ITPR1: variants seen among roughly 807,000 people sequenced by gnomAD.
ITPR1 encodes inositol 1,4,5-trisphosphate receptor type 1, also known as inositol 1,4,5-trisphosphate-gated calcium channel ITPR1.
In ITPR1, 96 loss-of-function variants were observed where a neutral mutation model predicts 318.4. The ratio of observed to expected loss-of-function variants is 0.30; its 90% CI spans 0.26 to 0.36. ITPR1 has a LOEUF of 0.36. Among genes scored for constraint, ITPR1 ranks in the 10% least tolerant of loss-of-function variants. The pLI is 1.00. For synonymous variants in ITPR1, 1,312 were observed against 1,289.9 expected, an observed-to-expected ratio of 1.02 and a Z score of -0.37; for missense variants, 2,440 against 3,460.2, an observed-to-expected ratio of 0.71 and a Z score of 7.40.
intron 4 of ITPR1, among the ~76,000 whole-genome samples, chr3:4,576,853 C>A (rs2088717446): frequency 6.6e-6 from 1 of 152,202 alleles, no homozygotes; most frequent in Non-Finnish European, 1.5e-5. Context: ...GGTAGTAATT[C>A]ATGAGGGATC....
At chr3:4,736,925 G>A (rs771854059) in intron 44 of ITPR1, among the ~76,000 whole-genome samples, 1 of 152,210 alleles carries the variant, frequency 6.6e-6, no homozygotes, top group Non-Finnish European at 1.5e-5. Flanking sequence ...GTTCGTCTGT[G>A]AGGATTTTCT....
Position 4,768,657 on chromosome 3 carries a change from G to A in ITPR1, c.5872G>A (p.Ala1958Thr), listed in dbSNP as rs748574432. 5.0e-6 allele frequency: 8 copies of A among 1,613,876 alleles called. No individual in the cohort carries two copies. In the East Asian group the frequency reaches 6.7e-5, roughly 13 times the overall value. ...GCCTGGAGAGGGCACCCAGGCCACTGCCGACAAGGCCAAGGACGACCTGGA... is the reference window on the plus strand; with the variant it reads ...GCCTGGAGAGGGCACCCAGGCCACTACCGACAAGGCCAAGGACGACCTGGA... ...YQPGEGTQAT[A>T]DKAKDDLEMS... Residue 1958 changes from alanine to threonine, a missense_variant, in exon 46 of 62, where the codon GCC becomes ACC. By Grantham distance (58) the Ala-to-Thr change is moderately conservative (BLOSUM62 0). Transcript: ENST00000649015.
intron 44 of ITPR1, among the ~76,000 whole-genome samples, chr3:4,764,578 A>G (rs894817128): frequency 2.0e-5 from 3 of 152,210 alleles, no homozygotes; most frequent in Non-Finnish European, 4.4e-5. Flanking sequence ...AGAAGATGAA[A>G]CAAGGCATGG....
chr3:4,498,482 C>A (rs563245578), intron 2 of ITPR1, among the ~76,000 whole-genome samples: 7 of 152,128 alleles, frequency 4.6e-5, no homozygotes, highest in Non-Finnish European at 1.0e-4. Context: ...AGGTCCAGAC[C>A]TGTAGGGACC....
chr3:4,709,571 G>A (rs1470255281), intron 37 of ITPR1, among the ~76,000 whole-genome samples: 4 of 152,218 alleles, frequency 2.6e-5, no homozygotes, highest in Non-Finnish European at 5.9e-5. Flanking sequence ...AAACCATGGA[G>A]CAGGCTTTAG....
At chr3:4,600,999 T>G (rs2091229181) in intron 4 of ITPR1, among the ~76,000 whole-genome samples, 1 of 151,554 alleles carries the variant, frequency 6.6e-6, no homozygotes, top group African/African-American at 2.4e-5. Context: ...AAAGTAAATA[T>G]TTTCTGAGTA....
chr3:4,815,881 T>G (rs1334984040), intron 59 of ITPR1, among the ~76,000 whole-genome samples: 1 of 152,178 alleles, frequency 6.6e-6, no homozygotes, highest in Non-Finnish European at 1.5e-5. Context: ...CTTTTTGCTT[T>G]GGCATAATTT....
At chr3:4,608,104 C>T (rs537756643) in intron 4 of ITPR1, among the ~76,000 whole-genome samples, 72 of 152,224 alleles carry the variant, frequency 4.7e-4, no homozygotes, top group African/African-American at 1.7e-3. Context: ...TGAAGGTTAA[C>T]GGGAAGATGA....
intron 10 of ITPR1, among the ~76,000 whole-genome samples, chr3:4,647,662 T>C (rs999259395): frequency 3.9e-5 from 6 of 152,226 alleles, no homozygotes; most frequent in Non-Finnish European, 7.3e-5. Flanking sequence ...GAAATTTCAA[T>C]GTGGGTTGGA....
At chr3:4,567,597 G>C (rs1483732225) in intron 4 of ITPR1, among the ~76,000 whole-genome samples, 1 of 126,472 alleles carries the variant, frequency 7.9e-6, no homozygotes, top group Non-Finnish European at 1.8e-5. Context: ...GGTGACGCTT[G>C]AGCTAGTTTT....
At chr3:4,784,272 G>A (rs1483412378) in intron 51 of ITPR1, among the ~76,000 whole-genome samples, 2 of 152,152 alleles carry the variant, frequency 1.3e-5, no homozygotes, top group East Asian at 1.9e-4. Flanking sequence ...AAAGAACAGA[G>A]GGATGAAACA....
In ITPR1 at chr3:4,815,187, A is replaced by G. The variant is rs377529395; in HGVS notation, c.7836A>G (p.Glu2612=). ...ADLRSEKQKK[E]EILKTTCFIC... The stretch of plus-strand genomic sequence containing the variant: ...TGAGGAGTGAGAAGCAGAAGAAGGA[A>G]GAGATCTTGAAGACCACGTGCTTTA... Residue 2612 remains glutamate (E), a synonymous_variant, in exon 59 of 62, where the codon GAA becomes GAG. Coordinates refer to ENST00000649015, the MANE Select transcript of ITPR1 (RefSeq NM_001378452.1). 4 of 1,613,824 alleles carry G rather than the reference A, an allele frequency of 2.5e-6. No individual in the cohort carries two copies. The highest frequency in any genetic ancestry group is 2.7e-5 in the African/African-American group (2 of 74,930).
At chr3:4,802,622 A>C (rs2048304851) in intron 54 of ITPR1, among the ~76,000 whole-genome samples, 1 of 152,132 alleles carries the variant, frequency 6.6e-6, no homozygotes, top group African/African-American at 2.4e-5. Context: ...CAGGAGTTCA[A>C]GACCAGCCTG....
At chr3:4,806,368 G>A in intron 55 of ITPR1, 101 bp downstream of exon 55, 3 of 1,166,718 alleles carry the variant, frequency 2.6e-6, no homozygotes, top group Non-Finnish European at 3.8e-6. Context: ...GGTGATTGGT[G>A]TGCCTGGTCC....
At chr3:4,645,053 A>G (rs2093424540) in intron 8 of ITPR1, among the ~76,000 whole-genome samples, 1 of 152,068 alleles carries the variant, frequency 6.6e-6, no homozygotes, top group Non-Finnish European at 1.5e-5. Context: ...ATCCCATTTT[A>G]TAAGTACTTA....
chr3:4,816,792 A>G (rs2049332204), intron 59 of ITPR1, among the ~76,000 whole-genome samples: 2 of 152,204 alleles, frequency 1.3e-5, no homozygotes, highest in African/African-American at 4.8e-5. Context: ...ATATCGTGCT[A>G]TTCCTTAAAC....
At chr3:4,752,926 A>G (rs2044655402) in intron 44 of ITPR1, among the ~76,000 whole-genome samples, 1 of 152,194 alleles carries the variant, frequency 6.6e-6, no homozygotes, top group South Asian at 2.1e-4. Flanking sequence ...CTTGTGGGAG[A>G]CAGAGCTAGG....
chr3:4,606,397 A>G (rs1253713227), intron 4 of ITPR1, among the ~76,000 whole-genome samples: 1 of 152,182 alleles, frequency 6.6e-6, no homozygotes, highest in Non-Finnish European at 1.5e-5. Flanking sequence ...TTGTAAACCA[A>G]AAGGTATCTG....
intron 61 of ITPR1, among the ~76,000 whole-genome samples, chr3:4,838,105 T>C (rs1559988194): frequency 1.3e-5 from 2 of 152,194 alleles, no homozygotes; most frequent in African/African-American, 4.8e-5. Flanking sequence ...TATTAATATT[T>C]CTTTTCAAAC....
Sources: allele counts gnomAD v4.1 joint callset (sites outside exome capture counted in the v4.1 genomes callset), GRCh38; gene constraint gnomAD v4.1.1; transcripts MANE v1.5; gene names NCBI Gene and HGNC (gene_info 2026-07-23, HGNC 2026-07-21).